RASEF: variants seen among roughly 807,000 people sequenced by gnomAD.
The protein encoded by RASEF is ras and EF-hand domain-containing protein.
RASEF carries 68 observed loss-of-function variants against 90.1 expected under a neutral mutation model. The observed-to-expected ratio is 0.75, with a 90% CI of 0.62 to 0.92. The LOEUF is 0.92. RASEF is among the 40% of genes least tolerant of loss of function. The pLI is 0.00. For missense variants in RASEF, 949 were observed against 937.2 expected, an observed-to-expected ratio of 1.01 and a Z score of -0.16; for synonymous variants, 331 against 345.2, an observed-to-expected ratio of 0.96 and a Z score of 0.46.
At chr9:83,195,313 C>G in the RASEF span, among the ~76,000 whole-genome samples, 1 of 152,118 alleles carries the variant, frequency 6.6e-6, no homozygotes, top group Non-Finnish European at 1.5e-5. Context: ...CTCCAGAGTT[C>G]TCTCTCTCCA....
the RASEF span, among the ~76,000 whole-genome samples, chr9:83,142,434 A>T: frequency 6.6e-6 from 1 of 152,348 alleles, no homozygotes; most frequent in African/African-American, 2.4e-5. Flanking sequence ...TGCATTTTAG[A>T]TAGTTTGATT....
In RASEF at chr9:83,015,824, G is replaced by T. The variant is rs748905308; in HGVS notation, c.746C>A (p.Thr249Asn). Residue 249 changes from threonine (T) to asparagine (N), a missense_variant, in exon 4 of 17, where the codon ACC becomes AAC. Physicochemically the swap from Thr to Asn is moderately conservative, Grantham distance 65. Transcript: ENST00000376447. Reference sequence around the variant, plus strand: ...GCCTACCTTTCTTAGCTTTTTAATGGTCACCTGCAGATCTCCTACTTCAGT... The same window carrying T: ...GCCTACCTTTCTTAGCTTTTTAATGTTCACCTGCAGATCTCCTACTTCAGT... ...YETEVGDLQV[T>N]IKKLRKLEEQ... 1 of 1,613,392 alleles carries T rather than the reference G, an allele frequency of 6.2e-7. No homozygotes were observed. The highest frequency in any genetic ancestry group is 1.7e-5 in the Admixed American group (1 of 60,006).
chr9:83,159,655 C>T, the RASEF span, among the ~76,000 whole-genome samples: 11 of 152,140 alleles, frequency 7.2e-5, no homozygotes, highest in Admixed American at 2.0e-4. Flanking sequence ...AAATGAAATA[C>T]AGTTGAGAAA....
the RASEF span, among the ~76,000 whole-genome samples, chr9:83,144,434 G>GAAAGAAA: frequency 4.2e-5 from 5 of 118,200 alleles, no homozygotes; most frequent in African/African-American, 1.3e-4. Flanking sequence ...AAGAAAGAAA[G>GAAAGAAA]GAAAAGAAAA....
the RASEF span, among the ~76,000 whole-genome samples, chr9:83,129,406 CAAA>C: frequency 6.1e-5 from 6 of 97,770 alleles, no homozygotes; most frequent in African/African-American, 6.9e-5. Context: ...GACTCCACCT[CAAA>C]AAAAAAAAAA....
chr9:83,103,298 A>G, the RASEF span, among the ~76,000 whole-genome samples: 1 of 152,196 alleles, frequency 6.6e-6, no homozygotes, highest in African/African-American at 2.4e-5. Flanking sequence ...AGTGATGATA[A>G]TATCTACCAA....
At chr9:83,017,359 G>A (rs528550497) in intron 3 of RASEF, among the ~76,000 whole-genome samples, 1 of 151,814 alleles carries the variant, frequency 6.6e-6, no homozygotes, top group South Asian at 2.1e-4. Context: ...AATTAGCCGG[G>A]TGTGGTGGCA....
chr9:83,125,103 T>C, the RASEF span, among the ~76,000 whole-genome samples: 1 of 152,136 alleles, frequency 6.6e-6, no homozygotes, highest in African/African-American at 2.4e-5. Flanking sequence ...TTTTGTTTTG[T>C]TGGATTTTTG....
chr9:83,153,508 G>A, the RASEF span, among the ~76,000 whole-genome samples: 3 of 152,168 alleles, frequency 2.0e-5, no homozygotes, highest in Non-Finnish European at 4.4e-5. Context: ...TACATCAATA[G>A]AAAGTTATCT....
chr9:83,035,204 T>TA lies in RASEF; in HGVS notation c.432-9284dup, dbSNP rs1317113115. Among the ~76,000 whole-genome samples the TA allele has an allele frequency of 5.3e-5, 8 of 152,282 alleles. No homozygotes were observed. The East Asian group carries it at 1.2e-3, about 22-fold the overall frequency. On this transcript the variant is annotated intron_variant, in intron 1 of 16. Transcript: ENST00000376447. ...TTTCTGTGAAGCACCAGGTAGAAAA[T>TA]ACTTTTGGCTTTGCAGGACATACTA... is the stretch of plus-strand genomic sequence containing the variant.
the RASEF span, among the ~76,000 whole-genome samples, chr9:83,177,125 G>T: frequency 7.9e-5 from 12 of 152,002 alleles, no homozygotes; most frequent in Non-Finnish European, 1.5e-4. Flanking sequence ...TTGTAAAGTT[G>T]CTTTTTAAAT....
the RASEF span, among the ~76,000 whole-genome samples, chr9:83,085,690 C>G: frequency 1.3e-5 from 2 of 152,066 alleles, no homozygotes; most frequent in Admixed American, 1.3e-4. Context: ...CTTTGGGAGG[C>G]CGAGGCGGTG....
At chr9:83,203,639 G>T in the RASEF span, among the ~76,000 whole-genome samples, 3 of 152,188 alleles carry the variant, frequency 2.0e-5, no homozygotes, top group Admixed American at 6.5e-5. Context: ...GAGAAAATAG[G>T]TAAGTAGACC....
chr9:83,203,285 T>A, the RASEF span, among the ~76,000 whole-genome samples: 1 of 150,508 alleles, frequency 6.6e-6, no homozygotes, highest in Admixed American at 6.7e-5. Flanking sequence ...TTTTTTTTTT[T>A]CTTTTTTTGA....
intron 5 of RASEF, among the ~76,000 whole-genome samples, chr9:83,010,380 C>G (rs112681706): frequency 4.1e-4 from 62 of 152,246 alleles, no homozygotes; most frequent in African/African-American, 1.3e-3. Context: ...AATGGAAGAG[C>G]AGCCCAGAGC....
chr9:83,004,346 C>A (rs1267772695), intron 9 of RASEF, 152 bp downstream of exon 9: 1 of 541,940 alleles, frequency 1.8e-6, no homozygotes, highest in Non-Finnish European at 3.3e-6. Context: ...TTAATTTTTA[C>A]ATGATTCATG....
chr9:82,992,421 G>T (rs1457285899), intron 15 of RASEF, among the ~76,000 whole-genome samples: 2 of 152,202 alleles, frequency 1.3e-5, no homozygotes, highest in African/African-American at 4.8e-5. Flanking sequence ...ATATGGGAAT[G>T]ATTTTTTATA....
intron 1 of RASEF, among the ~76,000 whole-genome samples, chr9:83,033,183 G>C (rs1829676426): frequency 1.3e-5 from 2 of 152,152 alleles, no homozygotes; most frequent in African/African-American, 4.8e-5. Flanking sequence ...AATGCCACAA[G>C]AACACTGATG....
At chr9:82,985,369 GAGAAT>G in intron 16 of RASEF, among the ~76,000 whole-genome samples, 1 of 152,272 alleles carries the variant, frequency 6.6e-6, no homozygotes, top group Non-Finnish European at 1.5e-5. Flanking sequence ...TCACTATCAC[GAGAAT>G]AGCAGAGGAA....
Sources: gnomAD v4.1 joint callset for allele counts (sites outside exome capture counted in the v4.1 genomes callset) on GRCh38, gnomAD v4.1.1 for gene constraint, MANE v1.5 for transcripts, NCBI Gene and HGNC (gene_info 2026-07-23, HGNC 2026-07-21) for gene names.